The following SNX22 variants were observed in gnomAD, a reference collection of about 807,000 sequenced individuals.
SNX22 encodes the protein sorting nexin-22.
SNX22 carries 23 observed loss-of-function variants against 24.7 expected under a neutral mutation model. That is an observed-to-expected ratio of 0.93 (90% CI 0.67 to 1.32). The LOEUF is 1.32. Among genes scored for constraint, SNX22 ranks in the 40% most tolerant of loss-of-function variants. SNX22 has a pLI of 0.00. For missense variants in SNX22, 261 were observed against 249.9 expected (o/e 1.04, Z -0.30); for synonymous variants, 99 against 104.0 (o/e 0.95, Z 0.29).
intron 1 of SNX22, 172 bp downstream of exon 1, chr15:64,152,022 C>G (rs2081489748): frequency 2.5e-6 from 2 of 795,544 alleles, no homozygotes; most frequent in Non-Finnish European, 3.7e-6. Flanking sequence ...GCCTCGCGGA[C>G]CATGGTTCGA....
At position 64,151,752 on chromosome 15, in the gene SNX22, G is replaced by C. The variant is rs1299975078; in HGVS notation, c.-24G>C. The C allele has an allele frequency of 6.6e-7, 1 of 1,526,160 alleles. No individual in the cohort carries two copies. The highest frequency in any genetic ancestry group is 8.8e-7 in the Non-Finnish European group (1 of 1,139,908). 94.5% of individuals were successfully genotyped at this position (1,526,160 alleles called of 1,614,324 possible). ...AGTTAGGGCTCCGAGCCGAGCGCGC[G>C]GAGCAGCTGGGGCCGGGGCGCGGAT... On this transcript the variant is annotated 5_prime_UTR_variant, in exon 1 of 7. Coordinates refer to ENST00000325881, the MANE Select transcript of SNX22 (RefSeq NM_024798.3).
chr15:64,153,639 C>A lies in SNX22; in HGVS notation c.360-13C>A, dbSNP rs1315023682. ...CATCCCCAGGCAGCTTACAGTGTTT[C>A]TCTTCTCTTCAGCACCCTGAGGGAG... On this transcript the variant is annotated splice_polypyrimidine_tract_variant and intron_variant, in intron 4 of 6. Transcript: ENST00000325881. 1 of 1,614,014 alleles carries A rather than the reference C, an allele frequency of 6.2e-7. No homozygotes were observed. Among genetic ancestry groups the A allele is most frequent in the African/African-American group, 1.3e-5 (1 of 74,922 alleles).
chr15:64,152,967 C>G (rs1596023811), intron 3 of SNX22: 1 of 608,576 alleles, frequency 1.6e-6, no homozygotes, highest in South Asian at 2.0e-5. Flanking sequence ...CTCCATGAAA[C>G]CCAGGTCCTG....
At chr15:64,154,178 C>T in intron 6 of SNX22, 176 bp downstream of exon 6, 12 of 1,574,142 alleles carry the variant, frequency 7.6e-6, no homozygotes, top group Non-Finnish European at 9.5e-6. Flanking sequence ...TTTGGCTTCC[C>T]TGGTCTCCAT....
rs1380680554 is a variant in SNX22 at position 64,153,755 on chromosome 15, G to A, written c.392+71G>A. ...TGGCCATATGCTAGGAGGCAGGCCT[G>A]CTGCCTGGGCCTGTCTGGCCTGGGC... On this transcript the variant is annotated intron_variant, in intron 5 of 6. Transcript: ENST00000325881. 19 of 1,605,120 alleles carry A rather than the reference G, an allele frequency of 1.2e-5. No individual in the cohort carries two copies. The South Asian group carries it at 2.0e-4, about 17-fold the overall frequency.
At position 64,154,490 on chromosome 15, in the gene SNX22, T is replaced by A. The variant is rs1412132358; in HGVS notation, c.564T>A (p.Pro188=). The change falls in exon 7 of 7, where the codon CCT becomes CCA. Residue 188 remains proline (P), a synonymous_variant. Coordinates refer to ENST00000325881, the MANE Select transcript of SNX22 (RefSeq NM_024798.3). Reference sequence around the variant, plus strand: ...CAAAGGCGGCCTGTCACCCTGCTCCTCTGCCACCGATGCCCTGATCAGTCC... The same window carrying A: ...CAAAGGCGGCCTGTCACCCTGCTCCACTGCCACCGATGCCCTGATCAGTCC... ...AQPKAACHPA[P]LPPMP is the part of the protein sequence containing the mutation. 2 of 1,614,174 alleles carry A rather than the reference T, an allele frequency of 1.2e-6. No homozygotes were observed. Among genetic ancestry groups the A allele is most frequent in the Admixed American group, 3.3e-5 (2 of 60,024 alleles).
Position 64,154,536 on chromosome 15 carries a change from T to C in SNX22, c.*28T>C. ...AGTCCAGAGGCCTTTGGCTGCCTCC[T>C]AAGAAAGTCATGTGCCTCTGTCCTA... On this transcript the variant is annotated 3_prime_UTR_variant, in exon 7 of 7. Transcript: ENST00000325881. The C allele has an allele frequency of 6.2e-7, 1 of 1,611,816 alleles. No homozygotes were observed.
At chr15:64,153,108 C>G in intron 3 of SNX22, 137 bp from the exon 4 acceptor site, 1 of 1,079,580 alleles carries the variant, frequency 9.3e-7, no homozygotes, top group Non-Finnish European at 1.3e-6. Context: ...CCAGAAGGGC[C>G]CTGAGCCTGG....
At position 64,152,262 on chromosome 15, in the gene SNX22, T is replaced by C; in HGVS notation, c.95T>C (p.Leu32Pro). ...KSHMVFRVEV[L>P]CSGRRHTVPR... ...CGCCAGGTGTTCCGAGTGGAGGTGC[T>C]GTGCAGCGGGCGCAGACACACGGTG... The change falls in exon 2 of 7, where the codon CTG (leucine) becomes CCG (proline). Residue 32 changes from leucine (L) to proline (P), a missense_variant. Transcript: ENST00000325881. 1 of 1,460,932 alleles carries C rather than the reference T, an allele frequency of 6.8e-7. No homozygotes were observed. Among genetic ancestry groups the C allele is most frequent in the Non-Finnish European group, 9.0e-7 (1 of 1,115,952 alleles). The allele number at this position is 1,460,932 out of a possible 1,614,324, so 90.5% of individuals were successfully genotyped here.
rs956866877 is a variant in SNX22 at position 64,156,372 on chromosome 15, G to A, written c.*1864G>A. The A allele has an allele frequency of 1.0e-5, 7 of 670,876 alleles. No individual in the cohort carries two copies. The highest frequency in any genetic ancestry group is 1.8e-5 in the Non-Finnish European group (7 of 384,320). 41.6% of individuals were successfully genotyped at this position (670,876 alleles called of 1,614,324 possible). Reference sequence around the variant, plus strand: ...TCCTTTGAAGTAAGACCCAGGTTGGGCCAAGGGTGAGGAGGAGGAAGAGGG... The same window carrying A: ...TCCTTTGAAGTAAGACCCAGGTTGGACCAAGGGTGAGGAGGAGGAAGAGGG... On this transcript the variant is annotated 3_prime_UTR_variant, in exon 7 of 7. Transcript: ENST00000325881. This position sits in a 1 kb window ranked among gnomAD's most constrained non-coding sequence, Gnocchi z 6.4.
rs1378874702 is a variant in SNX22 at position 64,156,064 on chromosome 15, T to C, written c.*1556T>C. The C allele has an allele frequency of 6.2e-7, 1 of 1,614,208 alleles. No homozygotes were observed. Among genetic ancestry groups the C allele is most frequent in the Non-Finnish European group, 8.5e-7 (1 of 1,180,036 alleles). On this transcript the variant is annotated 3_prime_UTR_variant, in exon 7 of 7. Transcript: ENST00000325881. The surrounding 1 kb of genome is among the most constrained non-coding windows in gnomAD (Gnocchi z 6.4). ...GCAAAGGGCTTCTCCACCTCGATCTTGCCGCAGTCTGCGATGATCACATCC... is the reference window on the plus strand; with the variant it reads ...GCAAAGGGCTTCTCCACCTCGATCTCGCCGCAGTCTGCGATGATCACATCC...
At position 64,156,149 on chromosome 15, in the gene SNX22, G is replaced by A; in HGVS notation, c.*1641G>A. 2 of 1,614,084 alleles carry A rather than the reference G, an allele frequency of 1.2e-6. No individual in the cohort carries two copies. Among genetic ancestry groups the A allele is most frequent in the Non-Finnish European group, 1.7e-6 (2 of 1,180,018 alleles). ...TCTCCACCTTCCGCACCACCTCCTGGAAAAGAAAGGTGGAAGCAGGAGGGC... is the reference window on the plus strand; with the variant it reads ...TCTCCACCTTCCGCACCACCTCCTGAAAAAGAAAGGTGGAAGCAGGAGGGC... On this transcript the variant is annotated 3_prime_UTR_variant, in exon 7 of 7. Transcript: ENST00000325881. This position sits in a 1 kb window ranked among gnomAD's most constrained non-coding sequence, Gnocchi z 6.4.
chr15:64,152,213 C>T, intron 1 of SNX22, 30 bp from the exon 2 acceptor site: 1 of 1,384,902 alleles, frequency 7.2e-7, no homozygotes, highest in Non-Finnish European at 9.3e-7. Context: ...GGGCCTCACG[C>T]GCAGACCCGC....
Position 64,153,686 on chromosome 15 carries a change from C to T in SNX22, c.392+2C>T, listed in dbSNP as rs773424329. 2.5e-6 allele frequency: 4 copies of T among 1,613,978 alleles called. No individual in the cohort carries two copies. The highest frequency in any genetic ancestry group is 1.1e-5 in the South Asian group (1 of 91,094). ...GGAGTTCCTGCCTGGCGACAGCAGG[C>T]AAGTCAAAGCCCTAGCCCGCGCTTG... On this transcript the variant is annotated splice_donor_variant, in intron 5 of 6. Transcript: ENST00000325881. LOFTEE classifies it low-confidence loss of function (GC_TO_GT_DONOR).
rs1465780664 is a variant in SNX22, at chr15:64,151,767, G to C, written c.-9G>C. On this transcript the variant is annotated 5_prime_UTR_variant, in exon 1 of 7. Coordinates refer to ENST00000325881, the MANE Select transcript of SNX22 (RefSeq NM_024798.3). ...CCGAGCGCGCGGAGCAGCTGGGGCC[G>C]GGGCGCGGATGCTGGAAGTTCACAT... 3.9e-6 allele frequency: 6 copies of C among 1,532,304 alleles called. No individual in the cohort carries two copies. The highest frequency in any genetic ancestry group is 2.0e-5 in the Admixed American group (1 of 49,922). 94.9% of individuals were successfully genotyped at this position (1,532,304 alleles called of 1,614,324 possible).
chr15:64,157,102 G>A lies in SNX22; in HGVS notation c.*2594G>A, dbSNP rs1194070208. The A allele has an allele frequency of 1.3e-5, 8 of 617,886 alleles. No homozygotes were observed. Among genetic ancestry groups the A allele is most frequent in the Non-Finnish European group, 2.3e-5 (8 of 352,458 alleles). The allele number at this position is 617,886 out of a possible 1,614,324, so 38.3% of individuals were successfully genotyped here. ...AGCCATGCTGACTGAGGCCAAGTGG[G>A]GCATCAGGCCAGGCTGATGTGGTGA... On this transcript the variant is annotated 3_prime_UTR_variant, in exon 7 of 7. Transcript: ENST00000325881. The surrounding 1 kb of genome is among the most constrained non-coding windows in gnomAD (Gnocchi z 4.2).
Position 64,153,282 on chromosome 15 carries a change from T to TA in SNX22, c.303dup (p.Leu102ThrfsTer16). 1 of 1,614,146 alleles carries TA rather than the reference T, an allele frequency of 6.2e-7. No individual in the cohort carries two copies. The highest frequency in any genetic ancestry group is 8.5e-7 in the Non-Finnish European group (1 of 1,180,006). Reference sequence around the variant, plus strand: ...CTGAACCAGGAGGTGCCCAAGGAGTTACTGGAATTCCTGAGACTTCGGCAC... The same window carrying TA: ...CTGAACCAGGAGGTGCCCAAGGAGTTAACTGGAATTCCTGAGACTTCGGCAC... On this transcript the variant is annotated frameshift_variant, in exon 4 of 7. Transcript: ENST00000325881. LOFTEE classifies it high-confidence loss of function.
At chr15:64,154,043 T>C (rs756600301) in intron 6 of SNX22, 41 bp downstream of exon 6, 72 of 1,613,964 alleles carry the variant, frequency 4.5e-5, no homozygotes, top group Non-Finnish European at 6.0e-5. Context: ...GGCTGGGTTG[T>C]GGGCTTTGCA....
At chr15:64,154,138 A>G (rs1290792895) in intron 6 of SNX22, 136 bp downstream of exon 6, 3 of 1,597,380 alleles carry the variant, frequency 1.9e-6, no homozygotes, top group Admixed American at 3.5e-5. Flanking sequence ...TGTCCCCTGG[A>G]GCCTGCTTTG....
Sources: allele counts gnomAD v4.1 joint callset, GRCh38; gene constraint gnomAD v4.1.1; non-coding constraint Gnocchi (gnomAD v3.1); transcripts MANE v1.5; gene names NCBI Gene and HGNC (gene_info 2026-07-23, HGNC 2026-07-21).